The following UBR3 variants were observed in gnomAD, a reference collection of about 807,000 sequenced individuals.
UBR3 encodes the protein ubiquitin protein ligase E3 component n-recognin 3.
UBR3 carries 85 observed loss-of-function variants against 243.2 expected under a neutral mutation model. The ratio of observed to expected loss-of-function variants is 0.35; its 90% CI spans 0.29 to 0.42. The LOEUF is 0.42. Among genes scored for constraint, UBR3 ranks in the 10% least tolerant of loss-of-function variants. The pLI is 1.00. For synonymous variants in UBR3, 748 were observed against 799.8 expected (o/e 0.94, Z 1.09); for missense variants, 1,686 against 2,300.8 (o/e 0.73, Z 5.47).
At chr2:170,047,412 T>C in intron 32 of UBR3, among the ~76,000 whole-genome samples, 1 of 152,226 alleles carries the variant, frequency 6.6e-6, no homozygotes. Flanking sequence ...CATTTTTTTC[T>C]GAGTAGTTTC....
intron 24 of UBR3, among the ~76,000 whole-genome samples, chr2:169,960,907 T>G (rs939871031): frequency 3.3e-5 from 5 of 152,104 alleles, no homozygotes; most frequent in Admixed American, 3.3e-4. Context: ...GTCCAGTGGC[T>G]CAACTCCTGG....
chr2:169,926,478 A>G (rs918169937), intron 14 of UBR3, among the ~76,000 whole-genome samples: 2 of 151,802 alleles, frequency 1.3e-5, no homozygotes, highest in African/African-American at 2.4e-5. Flanking sequence ...AATCCCAGCT[A>G]CTCGGGAGAC....
intron 1 of UBR3, among the ~76,000 whole-genome samples, chr2:169,851,198 C>T (rs1339982566): frequency 6.6e-6 from 1 of 152,194 alleles, no homozygotes; most frequent in Non-Finnish European, 1.5e-5. Context: ...GATCTTGGCT[C>T]ACTGCAGCCT....
chr2:170,015,728 A>G (rs1314260528), intron 30 of UBR3, among the ~76,000 whole-genome samples: 1 of 151,890 alleles, frequency 6.6e-6, no homozygotes, highest in Non-Finnish European at 1.5e-5. Flanking sequence ...ACAGATTTCT[A>G]TTATATTATT....
intron 25 of UBR3, among the ~76,000 whole-genome samples, chr2:169,991,629 C>T (rs895163605): frequency 3.3e-5 from 5 of 152,134 alleles, no homozygotes; most frequent in African/African-American, 1.2e-4. Flanking sequence ...GTCATGCAGG[C>T]TGGAGTGCAG....
intron 35 of UBR3, among the ~76,000 whole-genome samples, chr2:170,062,193 A>G (rs1246093545): frequency 2.0e-5 from 3 of 152,226 alleles, no homozygotes; most frequent in Non-Finnish European, 2.9e-5. Context: ...AATCTATTTC[A>G]TAAAACTGTG....
In UBR3 at chr2:170,007,170, G is replaced by A. The variant is rs1463253561; in HGVS notation, c.4210G>A (p.Gly1404Arg). The A allele has an allele frequency of 1.2e-6, 2 of 1,603,556 alleles. No individual in the cohort carries two copies. Among genetic ancestry groups the A allele is most frequent in the African/African-American group, 2.7e-5 (2 of 74,394 alleles). Residue 1404 changes from glycine to arginine, a missense_variant, in exon 28 of 39, where the codon GGA becomes AGA. This residue lies in a region of UBR3 where 371 missense variants were observed against 422.5 expected (regional missense o/e 0.88). Coordinates refer to ENST00000272793, the MANE Select transcript of UBR3 (RefSeq NM_172070.4). Reference sequence around the variant, plus strand: ...CATAAAGGAAGTGGAGGAGCTGCAGGGACGACCGGGAGCTTTCCCAGTAAG... The same window carrying A: ...CATAAAGGAAGTGGAGGAGCTGCAGAGACGACCGGGAGCTTTCCCAGTAAG... ...DLIKEVEELQGRPGAFPSETN... is the reference protein window; with the variant it reads ...DLIKEVEELQRRPGAFPSETN...
Position 169,914,119 on chromosome 2 carries a change from GT to G in UBR3, c.1842del (p.Phe614LeufsTer7). ...RYCLEALQDW[F>X]DAINFVDEPA... The stretch of plus-strand genomic sequence containing the variant: ...ATTGCCTTGAAGCTCTTCAAGACTG[GT>G]TTGATGCTATTAACTTCGTAGACGA... On this transcript the variant is annotated frameshift_variant, in exon 11 of 39. Transcript: ENST00000272793. LOFTEE classifies it high-confidence loss of function. 6.6e-7 allele frequency: 1 copy of G among 1,510,490 alleles called. No individual in the cohort carries two copies. The highest frequency in any genetic ancestry group is 8.9e-7 in the Non-Finnish European group (1 of 1,127,828). The allele number at this position is 1,510,490 out of a possible 1,614,324, so 93.6% of individuals were successfully genotyped here.
chr2:170,065,471 T>C (rs1252025392), intron 35 of UBR3, among the ~76,000 whole-genome samples: 1 of 152,116 alleles, frequency 6.6e-6, no homozygotes, highest in Non-Finnish European at 1.5e-5. Flanking sequence ...GTATTTTTAG[T>C]GGAGACAGGA....
chr2:170,050,100 C>T (rs1033713984), intron 32 of UBR3, among the ~76,000 whole-genome samples: 6 of 152,132 alleles, frequency 3.9e-5, no homozygotes, highest in East Asian at 1.9e-4. Flanking sequence ...AGTTGTTAGA[C>T]GGACTTGGTA....
intron 1 of UBR3, among the ~76,000 whole-genome samples, chr2:169,871,743 C>CAAAAAAAAA (rs562559554): frequency 1.1e-5 from 1 of 94,994 alleles, no homozygotes; most frequent in Non-Finnish European, 2.3e-5. Flanking sequence ...CCAAGACTCT[C>CAAAAAAAAA]AAAAAAAAAA....
intron 1 of UBR3, among the ~76,000 whole-genome samples, chr2:169,859,056 T>A (rs1268065526): frequency 6.6e-6 from 1 of 151,906 alleles, no homozygotes; most frequent in African/African-American, 2.4e-5. Flanking sequence ...TTTCAGCTAT[T>A]TAGTTGTCAT....
At chr2:169,831,140 T>A (rs1232890610) in intron 1 of UBR3, among the ~76,000 whole-genome samples, 204 of 112,788 alleles carry the variant, frequency 1.8e-3, no homozygotes, top group South Asian at 4.4e-3. Flanking sequence ...TTTTTTTTTT[T>A]TTTTTTTTTT....
chr2:169,962,685 T>A (rs972722711), intron 24 of UBR3, among the ~76,000 whole-genome samples: 8 of 152,228 alleles, frequency 5.3e-5, no homozygotes, highest in African/African-American at 9.6e-5. Flanking sequence ...CTCTTCAGTA[T>A]CTTGTTCTTA....
chr2:169,841,860 A>T (rs1559006656), intron 1 of UBR3, among the ~76,000 whole-genome samples: 1 of 152,128 alleles, frequency 6.6e-6, no homozygotes, highest in South Asian at 2.1e-4. Context: ...CCCGACGAGC[A>T]CCACCCCCTA....
Position 170,050,458 on chromosome 2 carries a change from T to C in UBR3, c.4661-5002T>C, listed in dbSNP as rs753117028. Among the ~76,000 whole-genome samples the C allele has an allele frequency of 3.9e-4, 59 of 152,200 alleles. 1 individual carries two copies. The highest frequency in any genetic ancestry group is 2.0e-4 in the Admixed American group (3 of 15,286). On this transcript the variant is annotated intron_variant, in intron 32 of 38. Coordinates refer to ENST00000272793, the MANE Select transcript of UBR3 (RefSeq NM_172070.4). ...TCATGTCCTGTTTACCTGTGTGCTC[T>C]TCCCCTAGGGATTTTGTTATTTTAG...
intron 35 of UBR3, among the ~76,000 whole-genome samples, chr2:170,071,647 A>C (rs2105455354): frequency 6.6e-6 from 1 of 152,290 alleles, no homozygotes; most frequent in East Asian, 1.9e-4. Flanking sequence ...CTTCTTTGTT[A>C]AACTATATAA....
intron 13 of UBR3, 77 bp downstream of exon 13, chr2:169,924,250 C>T (rs2085817738): frequency 2.2e-5 from 24 of 1,108,482 alleles, no homozygotes; most frequent in Non-Finnish European, 3.0e-5. Context: ...ATATGCCTTT[C>T]ATTGTTATTA....
At chr2:170,032,969 A>G (rs1006370934) in intron 31 of UBR3, among the ~76,000 whole-genome samples, 9 of 152,090 alleles carry the variant, frequency 5.9e-5, no homozygotes, top group African/African-American at 2.2e-4. Context: ...TTTATAAACT[A>G]AATTAGCAAA....
Sources: allele counts gnomAD v4.1 joint callset (sites outside exome capture counted in the v4.1 genomes callset), GRCh38; gene constraint gnomAD v4.1.1; regional missense constraint gnomAD v4.1.1; transcripts MANE v1.5; gene names NCBI Gene and HGNC (gene_info 2026-07-23, HGNC 2026-07-21).